Variants in HINT3 observed in about 807,000 individuals in gnomAD.
HINT3 encodes histidine triad nucleotide binding protein 3.
In HINT3, 16 loss-of-function variants were observed where a neutral mutation model predicts 19.1. The ratio of observed to expected loss-of-function variants is 0.84; its 90% CI spans 0.57 to 1.27. The LOEUF is 1.27. Among genes scored for constraint, HINT3 ranks in the 50% most tolerant of loss-of-function variants. The pLI is 0.00. For synonymous variants in HINT3, 75 were observed against 84.8 expected (o/e 0.88, Z 0.63); for missense variants, 197 against 225.8 (o/e 0.87, Z 0.82).
intron 2 of HINT3, among the ~76,000 whole-genome samples, chr6:125,971,132 T>C (rs1789091128): frequency 6.6e-6 from 1 of 152,208 alleles, no homozygotes. Context: ...CAAAATTTTT[T>C]TGGTGGACAG....
intron 1 of HINT3, among the ~76,000 whole-genome samples, chr6:125,959,120 G>A (rs530391798): frequency 1.8e-4 from 27 of 152,298 alleles, no homozygotes; most frequent in African/African-American, 6.3e-4. Context: ...CATCTAAGTA[G>A]AGATGTCTTT....
intron 1 of HINT3, among the ~76,000 whole-genome samples, chr6:125,957,663 T>C (rs1788860274): frequency 6.6e-6 from 1 of 152,220 alleles, no homozygotes; most frequent in Non-Finnish European, 1.5e-5. Context: ...GTTTGTTAGA[T>C]TGGCAGAAAA....
Position 125,970,950 on chromosome 6 carries a change from A to G in HINT3, c.320-1309A>G, listed in dbSNP as rs146031971. Among the ~76,000 whole-genome samples, 1,197 of 152,328 alleles carry G rather than the reference A, an allele frequency of 7.9e-3. 12 individuals carry two copies. Among genetic ancestry groups the G allele is most frequent in the African/African-American group, 0.028 (1,158 of 41,558 alleles). ...AGTCTTGGAAGGCTGGCAGTCTCCC[A>G]GCTCAAACCTGACTTAAAGAAGTAA... On this transcript the variant is annotated intron_variant, in intron 2 of 4. Coordinates refer to ENST00000229633, the MANE Select transcript of HINT3 (RefSeq NM_138571.5).
intron 1 of HINT3, among the ~76,000 whole-genome samples, chr6:125,959,865 G>A (rs1227447637): frequency 6.6e-6 from 1 of 152,170 alleles, no homozygotes; most frequent in African/African-American, 2.4e-5. Context: ...ACTGTTGGAG[G>A]CATGGGGATA....
At position 125,962,296 on chromosome 6, in the gene HINT3, ATATATATATAT is replaced by A. The variant is rs1788953654; in HGVS notation, c.202-4590_202-4580del. On this transcript the variant is annotated intron_variant, in intron 1 of 4. Coordinates refer to ENST00000229633, the MANE Select transcript of HINT3 (RefSeq NM_138571.5). ...CATACATATATATATACACATATATATATATATATATCACACATATATATATATATATATCA... is the reference window on the plus strand; with the variant it reads ...CATACATATATATATACACATATATACACACATATATATATATATATATCA... Among the ~76,000 whole-genome samples the A allele has an allele frequency of 5.4e-5, 2 of 37,326 alleles. 1 individual carries two copies. Among genetic ancestry groups the A allele is most frequent in the African/African-American group, 3.4e-4 (2 of 5,820 alleles). The allele number at this position is 37,326 out of a possible 152,430, so 24.5% of individuals were successfully genotyped here. A position where few individuals can be genotyped will look rare whatever the true frequency, so the allele number is the denominator to read the frequency against.
chr6:125,957,746 C>A (rs761164678), intron 1 of HINT3, among the ~76,000 whole-genome samples: 7 of 152,074 alleles, frequency 4.6e-5, no homozygotes, highest in Non-Finnish European at 2.9e-5. Context: ...AGTTGGGATG[C>A]GTGGACATTT....
At chr6:125,962,161 CACATATATATATATATATAT>C (rs1788935685) in intron 1 of HINT3, among the ~76,000 whole-genome samples, 4 of 99,844 alleles carry the variant, frequency 4.0e-5, no homozygotes, top group African/African-American at 1.8e-4. Flanking sequence ...TATATATATA[CACATATATATATATATATAT>C]ATATACACAT....
rs749974161 is a variant in HINT3, at chr6:125,978,152, C to T, written c.*476C>T. 1.3e-5 allele frequency: 2 copies of T among 152,088 alleles called. No homozygotes were observed. Among genetic ancestry groups the T allele is most frequent in the Non-Finnish European group, 2.9e-5 (2 of 67,984 alleles). 9.4% of individuals were successfully genotyped at this position (152,088 alleles called of 1,614,324 possible). On this transcript the variant is annotated 3_prime_UTR_variant, in exon 5 of 5. Coordinates refer to ENST00000229633, the MANE Select transcript of HINT3 (RefSeq NM_138571.5). Reference sequence around the variant, plus strand: ...AATTTTCAAAATAAAGAATACCATACTACACAATGATCTCTGATTTTGCTG... The same window carrying T: ...AATTTTCAAAATAAAGAATACCATATTACACAATGATCTCTGATTTTGCTG...
Position 125,956,812 on chromosome 6 carries a change from G to T in HINT3, c.-166G>T. ...TTTGAGGCCGGCCTCCGGCTTTGAAGTTCCTCACCGCGTCTCCTTCCCTCT... is the reference window on the plus strand; with the variant it reads ...TTTGAGGCCGGCCTCCGGCTTTGAATTTCCTCACCGCGTCTCCTTCCCTCT... On this transcript the variant is annotated 5_prime_UTR_variant, in exon 1 of 5. Transcript: ENST00000229633. 1 of 748,568 alleles carries T rather than the reference G, an allele frequency of 1.3e-6. No homozygotes were observed. The highest frequency in any genetic ancestry group is 1.8e-5 in the African/African-American group (1 of 56,622). 46.4% of individuals were successfully genotyped at this position (748,568 alleles called of 1,614,324 possible).
intron 3 of HINT3, among the ~76,000 whole-genome samples, chr6:125,972,574 T>C (rs1208699739): frequency 1.3e-5 from 2 of 152,114 alleles, no homozygotes; most frequent in Admixed American, 1.3e-4. Context: ...GTAGGTAAAA[T>C]AGTTACAAGT....
At chr6:125,957,301 GC>G in intron 1 of HINT3, 123 bp downstream of exon 1, 1 of 1,066,828 alleles carries the variant, frequency 9.4e-7, no homozygotes. Flanking sequence ...GCTCGCAGAG[GC>G]AGGGCCGCTC....
intron 4 of HINT3, among the ~76,000 whole-genome samples, chr6:125,975,910 C>T (rs1789172742): frequency 6.6e-6 from 1 of 152,092 alleles, no homozygotes. Context: ...CAGCATTCTG[C>T]TTTTCCAAAG....
At chr6:125,964,032 C>T (rs1226172000) in intron 1 of HINT3, among the ~76,000 whole-genome samples, 1 of 152,146 alleles carries the variant, frequency 6.6e-6, no homozygotes, top group African/African-American at 2.4e-5. Flanking sequence ...GGCAGGCGTA[C>T]TTTGTTATTC....
chr6:125,977,320 C>A (rs1789193602), intron 4 of HINT3, among the ~76,000 whole-genome samples: 1 of 152,122 alleles, frequency 6.6e-6, no homozygotes, highest in African/African-American at 2.4e-5. Flanking sequence ...CAGTATGTAG[C>A]CTTTTCAGAT....
intron 1 of HINT3, among the ~76,000 whole-genome samples, chr6:125,957,426 G>T (rs1308312912): frequency 1.3e-5 from 2 of 152,218 alleles, no homozygotes; most frequent in South Asian, 4.1e-4. Flanking sequence ...TGGCTCCAGC[G>T]GTATCTTTGC....
chr6:125,962,163 CAT>C (rs1164333774), intron 1 of HINT3, among the ~76,000 whole-genome samples: 139 of 11,220 alleles, frequency 0.012, 2 homozygotes, highest in South Asian at 0.048. Context: ...TATATATACA[CAT>C]ATATATATAT....
intron 1 of HINT3, among the ~76,000 whole-genome samples, chr6:125,960,793 C>T (rs533824350): frequency 6.6e-6 from 1 of 152,196 alleles, no homozygotes; most frequent in South Asian, 2.1e-4. Context: ...TTTCTGTTTG[C>T]AGACCTTTGT....
chr6:125,966,495 A>T (rs941649565), intron 1 of HINT3, among the ~76,000 whole-genome samples: 1 of 152,230 alleles, frequency 6.6e-6, no homozygotes, highest in Non-Finnish European at 1.5e-5. Flanking sequence ...AAAAAATTAA[A>T]TGTAGAAAGG....
At chr6:125,961,983 G>T (rs1201188471) in intron 1 of HINT3, among the ~76,000 whole-genome samples, 1 of 151,418 alleles carries the variant, frequency 6.6e-6, no homozygotes, top group Non-Finnish European at 1.5e-5. Context: ...GAAGATTATA[G>T]TCCTGACTTG....
Sources: allele counts gnomAD v4.1 joint callset (sites outside exome capture counted in the v4.1 genomes callset), GRCh38; gene constraint gnomAD v4.1.1; transcripts MANE v1.5; gene names NCBI Gene and HGNC (gene_info 2026-07-23, HGNC 2026-07-21).